The following LRP8 variants were observed in gnomAD, a reference collection of about 807,000 sequenced individuals.
LRP8 encodes the protein LDL receptor related protein 8.
A neutral mutation model predicts 111.6 loss-of-function variants in LRP8; 46 were observed. The observed-to-expected ratio is 0.41, with a 90% CI of 0.33 to 0.53. LRP8 has a LOEUF of 0.53. LRP8 is among the 20% of genes least tolerant of loss of function. LRP8 has a pLI of 0.20. For synonymous variants in LRP8, 464 were observed against 511.2 expected (o/e 0.91, Z 1.24); for missense variants, 959 against 1,297.4 (o/e 0.74, Z 4.01).
chr1:53,256,636 CAATT>C (rs1460371879), intron 15 of LRP8, among the ~76,000 whole-genome samples: 3 of 152,220 alleles, frequency 2.0e-5, no homozygotes, highest in Non-Finnish European at 4.4e-5. Context: ...GCAGGTAACT[CAATT>C]AAAAAGGTAT....
chr1:53,273,513 G>A (rs11206132), intron 6 of LRP8, among the ~76,000 whole-genome samples: 57,629 of 152,074 alleles, frequency 0.38, 11,799 homozygotes, highest in East Asian at 0.71. Context: ...ACGTGTGTAC[G>A]TACTCCTCTT....
intron 10 of LRP8, 76 bp downstream of exon 10, chr1:53,264,093 A>G: frequency 1.4e-6 from 2 of 1,414,208 alleles, no homozygotes; most frequent in South Asian, 1.2e-5. Context: ...AGAACCCTCA[A>G]GATAGCCCTT....
rs536040658 is a variant in LRP8 at position 53,291,843 on chromosome 1, G to A, written c.245-2154C>T. ...AAACTGGTGACAGGCCAGGCCTGTG[G>A]CCTGTATTTTGATGACCTCTGCTCT... is the stretch of plus-strand genomic sequence containing the variant. On this transcript the variant is annotated intron_variant, in intron 2 of 18. Transcript: ENST00000306052. The A allele has an allele frequency of 5.3e-5, 8 of 152,320 alleles. No individual in the cohort carries two copies. The South Asian group carries it at 1.7e-3, about 32-fold the overall frequency. The allele number at this position is 152,320 out of a possible 1,614,324, so 9.4% of individuals were successfully genotyped here.
intron 6 of LRP8, among the ~76,000 whole-genome samples, chr1:53,272,067 C>G (rs750336122): frequency 1.1e-4 from 16 of 151,920 alleles, no homozygotes; most frequent in African/African-American, 3.6e-4. Context: ...GATGCCCCCC[C>G]TAATGTGCTT....
intron 6 of LRP8, chr1:53,272,597 C>T: frequency 1.6e-6 from 2 of 1,290,146 alleles, no homozygotes; most frequent in Non-Finnish European, 2.0e-6. Context: ...GGGAATAACC[C>T]CTTTACCCCT....
intron 8 of LRP8, chr1:53,268,402 A>G (rs1046284706): frequency 6.6e-6 from 1 of 152,210 alleles, no homozygotes; most frequent in African/African-American, 2.4e-5. Flanking sequence ...TCTCCAGTGC[A>G]TGTACATAAT....
intron 16 of LRP8, among the ~76,000 whole-genome samples, chr1:53,253,815 A>G (rs565051762): frequency 3.2e-4 from 48 of 152,342 alleles, no homozygotes; most frequent in African/African-American, 1.1e-3. Context: ...CCTTCACAAG[A>G]GTATCATGCC....
intron 2 of LRP8, among the ~76,000 whole-genome samples, chr1:53,321,053 T>A (rs1417369410): frequency 2.6e-5 from 4 of 152,236 alleles, no homozygotes; most frequent in Non-Finnish European, 5.9e-5. Context: ...GGATGTGAAT[T>A]GTCCAACGTG....
At position 53,258,349 on chromosome 1, in the gene LRP8, G is replaced by A. The variant is rs1419449206; in HGVS notation, c.2179C>T (p.Leu727=). ...YTCACPDTMW[L]GPDMKRCYRA... Reference sequence around the variant, plus strand: ...TAGCACCTCTTCATGTCTGGACCCAGCCACATTGTGTCAGGACAGGCACAT... The same window carrying A: ...TAGCACCTCTTCATGTCTGGACCCAACCACATTGTGTCAGGACAGGCACAT... The change falls in exon 14 of 19, where the codon CTG becomes TTG. Residue 727 remains leucine, a synonymous_variant. Transcript: ENST00000306052. The A allele has an allele frequency of 6.2e-7, 1 of 1,614,136 alleles. No individual in the cohort carries two copies.
chr1:53,293,951 G>A lies in LRP8; in HGVS notation c.245-4262C>T, dbSNP rs1229341236. ...TCTGGGGGATCCTGGTGAACACCCA[G>A]TGTCAGGCCGTTCAGTGCAATGAGC... is the stretch of plus-strand genomic sequence containing the variant. On this transcript the variant is annotated intron_variant, in intron 2 of 18. Coordinates refer to ENST00000306052, the MANE Select transcript of LRP8 (RefSeq NM_004631.5). This position sits in a 1 kb window ranked among gnomAD's most constrained non-coding sequence, Gnocchi z 4.9. Among the ~76,000 whole-genome samples the A allele has an allele frequency of 6.6e-6, 1 of 152,242 alleles. No homozygotes were observed. Among genetic ancestry groups the A allele is most frequent in the African/African-American group, 2.4e-5 (1 of 41,450 alleles).
At chr1:53,292,857 G>A (rs895147215) in intron 2 of LRP8, among the ~76,000 whole-genome samples, 3 of 152,180 alleles carry the variant, frequency 2.0e-5, no homozygotes, top group East Asian at 1.9e-4. Context: ...TCTCCACCAC[G>A]GCTCCCCAGT....
chr1:53,322,200 G>A (rs1039382969), intron 2 of LRP8, among the ~76,000 whole-genome samples: 4 of 151,962 alleles, frequency 2.6e-5, no homozygotes, highest in South Asian at 4.2e-4. Flanking sequence ...TTTAATCTCC[G>A]AAAAGGAGGG....
In LRP8 at chr1:53,327,989, T is replaced by A; in HGVS notation, c.-77A>T. 2 of 920,374 alleles carry A rather than the reference T, an allele frequency of 2.2e-6. No individual in the cohort carries two copies. The highest frequency in any genetic ancestry group is 2.6e-6 in the Non-Finnish European group (2 of 770,410). 57.0% of individuals were successfully genotyped at this position (920,374 alleles called of 1,614,324 possible). ...GCCGCGTCTCAGCCCTCCGAGTCCT[T>A]GCCGCGGCGCCGGGGTTGCCGCTGC... On this transcript the variant is annotated 5_prime_UTR_variant, in exon 1 of 19. The change creates a premature stop within an existing upstream ORF in the 5' untranslated region. Transcript: ENST00000306052.
At chr1:53,287,690 G>A (rs2100453603) in intron 3 of LRP8, among the ~76,000 whole-genome samples, 1 of 152,266 alleles carries the variant, frequency 6.6e-6, no homozygotes, top group East Asian at 1.9e-4. Context: ...AACTTCTCTG[G>A]GCCTCCTGTT....
chr1:53,319,322 C>T (rs1437983714), intron 2 of LRP8, among the ~76,000 whole-genome samples: 2 of 152,194 alleles, frequency 1.3e-5, no homozygotes, highest in South Asian at 2.1e-4. Flanking sequence ...CAAATGACCA[C>T]TCCCGTGGAC....
Position 53,304,761 on chromosome 1 carries a change from G to GC in LRP8, c.245-15073dup, listed in dbSNP as rs539326172. On this transcript the variant is annotated intron_variant, in intron 2 of 18. Coordinates refer to ENST00000306052, the MANE Select transcript of LRP8 (RefSeq NM_004631.5). ...GTATGGGGATGGTTCATGGCCACAA[G>GC]CCCCAGCTCAGCACCTCCAACCAGA... is the stretch of plus-strand genomic sequence containing the variant. 68 of 152,512 alleles carry GC rather than the reference G, an allele frequency of 4.5e-4. 1 individual carries two copies. Among genetic ancestry groups the GC allele is most frequent in the Admixed American group, 4.0e-3 (61 of 15,304 alleles). The allele number at this position is 152,512 out of a possible 1,614,324, so 9.4% of individuals were successfully genotyped here.
At position 53,266,312 on chromosome 1, in the gene LRP8, A is replaced by G. The variant is rs1425169251; in HGVS notation, c.1427+161T>C. 6.6e-6 allele frequency among the ~76,000 whole-genome samples: 1 copy of G among 152,124 alleles called. No individual in the cohort carries two copies. Among genetic ancestry groups the G allele is most frequent in the African/African-American group, 2.4e-5 (1 of 41,406 alleles). Reference sequence around the variant, plus strand: ...CCTCAGACTACTCCAGCCCCAGTAAAGTCCCAGAAGTTCCATATCCACTGT... The same window carrying G: ...CCTCAGACTACTCCAGCCCCAGTAAGGTCCCAGAAGTTCCATATCCACTGT... On this transcript the variant is annotated intron_variant, in intron 9 of 18. Transcript: ENST00000306052. This position sits in a 1 kb window ranked among gnomAD's most constrained non-coding sequence, Gnocchi z 5.0.
Position 53,255,022 on chromosome 1 carries a change from A to C in LRP8, c.2503+95T>G, listed in dbSNP as rs1646029680. On this transcript the variant is annotated intron_variant, in intron 16 of 18. Transcript: ENST00000306052. ...GAAGGCTGCAAGGGCAGAACAAGTC[A>C]ATAGGGCAGGCCAAGTTCTCTACCC... 9.0e-6 allele frequency: 12 copies of C among 1,334,826 alleles called. No homozygotes were observed. In the South Asian group the frequency reaches 1.4e-4, roughly 16 times the overall value. 82.7% of individuals were successfully genotyped at this position (1,334,826 alleles called of 1,614,324 possible).
chr1:53,308,089 C>A (rs533339228), intron 2 of LRP8, among the ~76,000 whole-genome samples: 1 of 152,214 alleles, frequency 6.6e-6, no homozygotes, highest in Non-Finnish European at 1.5e-5. Context: ...TCAGTCCCTG[C>A]GGAGGCTGCT....
Sources: gnomAD v4.1 joint callset for allele counts (sites outside exome capture counted in the v4.1 genomes callset) on GRCh38, gnomAD v4.1.1 for gene constraint, Gnocchi (gnomAD v3.1) non-coding constraint, MANE v1.5 for transcripts, NCBI Gene and HGNC (gene_info 2026-07-23, HGNC 2026-07-21) for gene names.